The following NLGN4X variants were observed in gnomAD, a reference collection of about 807,000 sequenced individuals.
NLGN4X encodes the protein neuroligin-4, X-linked.
NLGN4X carries 3 observed loss-of-function variants against 40.3 expected under a neutral mutation model. The observed-to-expected ratio is 0.07, with a 90% CI of 0.03 to 0.19. NLGN4X has a LOEUF of 0.19. Among genes scored for constraint, NLGN4X ranks in the 10% least tolerant of loss-of-function variants. NLGN4X has a pLI of 1.00. For synonymous variants in NLGN4X, 270 were observed against 306.8 expected (o/e 0.88, Z 1.25); for missense variants, 382 against 708.3 (o/e 0.54, Z 5.23).
At chrX:5,922,812 G>A (rs1195406461) in intron 3 of NLGN4X, among the ~76,000 whole-genome samples, 1 of 110,823 alleles carries the variant, frequency 9.0e-6, no homozygotes, top group Admixed American at 9.6e-5. Flanking sequence ...GCAGTGAGCC[G>A]AGATCATGCC....
intron 3 of NLGN4X, among the ~76,000 whole-genome samples, chrX:5,966,807 T>G (rs946640202): frequency 8.9e-6 from 1 of 111,845 alleles, no homozygotes; most frequent in East Asian, 2.8e-4. Context: ...AGAATGCAAA[T>G]GAAAATCATT....
At chrX:6,094,594 T>C (rs1157036002) in intron 2 of NLGN4X, among the ~76,000 whole-genome samples, 1 of 110,958 alleles carries the variant, frequency 9.0e-6, no homozygotes, top group Non-Finnish European at 1.9e-5. Context: ...GAGCTGGCAA[T>C]GACCTGCACA....
At chrX:6,121,909 A>G (rs1200640114) in intron 2 of NLGN4X, among the ~76,000 whole-genome samples, 2 of 112,419 alleles carry the variant, frequency 1.8e-5, no homozygotes, top group East Asian at 5.6e-4. Flanking sequence ...CGTTATTCCG[A>G]ATGAAGAAGG....
intron 5 of NLGN4X, among the ~76,000 whole-genome samples, chrX:5,900,661 C>A (rs1307445296): frequency 2.0e-5 from 2 of 102,446 alleles, no homozygotes; most frequent in East Asian, 6.3e-4. Flanking sequence ...GCAGCCTTGA[C>A]CTCCTGAGCT....
At chrX:6,114,766 G>A (rs930543233) in intron 2 of NLGN4X, among the ~76,000 whole-genome samples, 1 of 110,913 alleles carries the variant, frequency 9.0e-6, no homozygotes, top group Admixed American at 9.6e-5. Context: ...TTGTGGGATT[G>A]GTGAATTATT....
intron 3 of NLGN4X, among the ~76,000 whole-genome samples, chrX:5,955,568 C>T (rs56203025): frequency 0.014 from 1,550 of 110,436 alleles, 21 homozygotes; most frequent in African/African-American, 0.048. Context: ...AAACCAATTC[C>T]CAATGCTGGA....
chrX:6,205,007 A>G (rs967850009), intron 1 of NLGN4X, among the ~76,000 whole-genome samples: 9 of 111,741 alleles, frequency 8.1e-5, no homozygotes, highest in Non-Finnish European at 1.1e-4. Context: ...GAGGGTCTGC[A>G]GCAGGAGCTC....
chrX:5,953,329 T>A (rs1358527171), intron 3 of NLGN4X, among the ~76,000 whole-genome samples: 1 of 110,789 alleles, frequency 9.0e-6, no homozygotes, highest in Non-Finnish European at 1.9e-5. Context: ...TGAGCTATCA[T>A]CACAAAACTG....
At chrX:6,191,316 G>T (rs1922518146) in intron 1 of NLGN4X, among the ~76,000 whole-genome samples, 1 of 111,610 alleles carries the variant, frequency 9.0e-6, no homozygotes, top group African/African-American at 3.3e-5. Context: ...AGACAGAATA[G>T]CCTAAATCAA....
chrX:6,151,460 G>A lies in NLGN4X; in HGVS notation c.7C>T (p.Arg3Trp), dbSNP rs770584895. Reference sequence around the variant, plus strand: ...GGAAGCCATAGCAGTCCCTGGGGCCGTGACATGGTTCAAATCTGCATCCAC... The same window carrying A: ...GGAAGCCATAGCAGTCCCTGGGGCCATGACATGGTTCAAATCTGCATCCAC... MS[R>W]PQGLLWLPLL... Residue 3 changes from arginine (R) to tryptophan (W), a missense_variant, in exon 2 of 6, where the codon CGG (arginine) becomes TGG (tryptophan). Physicochemically the swap from Arg to Trp is moderately radical, Grantham distance 101. This residue lies in a region of NLGN4X where 115 missense variants were observed against 149.6 expected (regional missense o/e 0.77). Transcript: ENST00000381095. The A allele has an allele frequency of 5.8e-6, 7 of 1,205,390 alleles. No individual in the cohort carries two copies. Among genetic ancestry groups the A allele is most frequent in the Middle Eastern group, 2.3e-4 (1 of 4,348 alleles).
chrX:5,970,298 T>C (rs972680881), intron 3 of NLGN4X, among the ~76,000 whole-genome samples: 5 of 111,443 alleles, frequency 4.5e-5, no homozygotes, highest in Non-Finnish European at 9.4e-5. Flanking sequence ...GTAACAAACC[T>C]GCACGTTGTG....
chrX:5,892,854 G>A lies in NLGN4X; in HGVS notation c.2414C>T (p.Thr805Ile). ...FNTFSGGQNS[T>I]NLPHGHSTTR... is the part of the protein sequence containing the mutation. Reference sequence around the variant, plus strand: ...GGTGGAATGTCCGTGGGGTAAATTTGTACTGTTTTGTCCTCCACTGAAGGT... The same window carrying A: ...GGTGGAATGTCCGTGGGGTAAATTTATACTGTTTTGTCCTCCACTGAAGGT... Residue 805 changes from threonine to isoleucine, a missense_variant, in exon 6 of 6, where the codon ACA (threonine) becomes ATA (isoleucine). Transcript: ENST00000381095. 1 of 1,211,386 alleles carries A rather than the reference G, an allele frequency of 8.3e-7. No individual in the cohort carries two copies. Among genetic ancestry groups the A allele is most frequent in the Non-Finnish European group, 1.1e-6 (1 of 895,415 alleles).
At chrX:5,969,128 C>G (rs1412506950) in intron 3 of NLGN4X, among the ~76,000 whole-genome samples, 2 of 110,033 alleles carry the variant, frequency 1.8e-5, no homozygotes, top group East Asian at 5.7e-4. Flanking sequence ...GACTTCATGT[C>G]TAAAACACCA....
intron 2 of NLGN4X, among the ~76,000 whole-genome samples, chrX:6,121,945 C>T (rs2039433784): frequency 8.9e-6 from 1 of 112,551 alleles, no homozygotes; most frequent in Admixed American, 9.4e-5. Context: ...AGGAAAGCCA[C>T]ATTCCAAGGA....
At chrX:5,931,156 G>T (rs1341493864) in intron 3 of NLGN4X, among the ~76,000 whole-genome samples, 1 of 112,072 alleles carries the variant, frequency 8.9e-6, no homozygotes, top group East Asian at 2.8e-4. Context: ...TTTGCTCTCT[G>T]GAGCTCATAC....
intron 3 of NLGN4X, among the ~76,000 whole-genome samples, chrX:5,913,049 GGGAA>G (rs1285099310): frequency 4.7e-4 from 40 of 84,654 alleles, no homozygotes; most frequent in East Asian, 2.7e-3. Flanking sequence ...GAGGGAGGGA[GGGAA>G]GGAAGGAAGG....
rs16983882 is a variant in NLGN4X, at chrX:5,890,830, A to C, written c.*1987T>G. On this transcript the variant is annotated 3_prime_UTR_variant, in exon 6 of 6. Coordinates refer to ENST00000381095, the MANE Select transcript of NLGN4X (RefSeq NM_181332.3). ...GGGGGTGACTTGTACGCATTTCTAA[A>C]AACACTTTTCTTTTTTCTAGAGGTC... 0.19 allele frequency: 59,191 copies of C among 308,808 alleles called. 4,020 individuals are homozygous for C. The highest frequency in any genetic ancestry group is 0.27 in the African/African-American group (9,680 of 36,524). 25.4% of individuals were successfully genotyped at this position (308,808 alleles called of 1,213,427 possible). A position where few individuals can be genotyped will look rare whatever the true frequency, so the allele number is the denominator to read the frequency against.
intron 2 of NLGN4X, among the ~76,000 whole-genome samples, chrX:6,042,705 A>G (rs2037194052): frequency 3.2e-5 from 1 of 31,014 alleles, no homozygotes; most frequent in African/African-American, 1.0e-4. Context: ...ATATATATAT[A>G]TATATATATA....
chrX:6,035,959 G>A (rs2036991740), intron 2 of NLGN4X, among the ~76,000 whole-genome samples: 1 of 111,931 alleles, frequency 8.9e-6, no homozygotes, highest in African/African-American at 3.2e-5. Context: ...TTATGTTATT[G>A]GTAAGGCTTC....
Sources: gnomAD v4.1 joint callset for allele counts (sites outside exome capture counted in the v4.1 genomes callset) on GRCh38, gnomAD v4.1.1 for gene constraint, gnomAD v4.1.1 regional missense constraint, MANE v1.5 for transcripts, NCBI Gene and HGNC (gene_info 2026-07-23, HGNC 2026-07-21) for gene names.